The following PRELID3A variants were observed in gnomAD, a reference collection of about 807,000 sequenced individuals.
PRELID3A encodes the protein PRELI domain containing 3A.
In PRELID3A, 27 loss-of-function variants were observed where a neutral mutation model predicts 23.0. The ratio of observed to expected loss-of-function variants is 1.17; its 90% CI spans 0.87 to 1.62. The LOEUF is 1.62. PRELID3A is among the 40% of genes most tolerant of loss of function. The probability of loss-of-function intolerance (pLI) is 0.00; values close to 1 mark genes in which losing one functional copy is unlikely to be tolerated. For synonymous variants in PRELID3A, 87 were observed against 86.4 expected (o/e 1.01, Z -0.04); for missense variants, 231 against 231.4 (o/e 1.00, Z 0.01).
At chr18:12,425,727 C>T (rs569108037) in intron 3 of PRELID3A, among the ~76,000 whole-genome samples, 2 of 151,984 alleles carry the variant, frequency 1.3e-5, no homozygotes, top group Non-Finnish European at 2.9e-5. Context: ...ATCGCTTGAG[C>T]TCAGGAGTTT....
intron 1 of PRELID3A, among the ~76,000 whole-genome samples, chr18:12,408,243 G>A (rs1264910764): frequency 6.6e-6 from 1 of 151,850 alleles, no homozygotes; most frequent in Non-Finnish European, 1.5e-5. Flanking sequence ...CCCGGCGTGC[G>A]CAGGGGCCTG....
rs149706928 is a variant in PRELID3A, at chr18:12,421,602, A to G, written c.264A>G (p.Glu88=). ...AACATTCTGTGGTGGATCCAGTGGA[A>G]AAGAAAATGGAACTTTGTTCTACCA... The part of the protein sequence containing the change: ...IREHSVVDPV[E]KKMELCSTNI... The change falls in exon 3 of 7, where the codon GAA becomes GAG. Residue 88 remains glutamate, a synonymous_variant. Coordinates refer to ENST00000440960, the MANE Select transcript of PRELID3A (RefSeq NM_001142405.2). 587 of 1,613,450 alleles carry G rather than the reference A, an allele frequency of 3.6e-4. 1 individual carries two copies. Among genetic ancestry groups the G allele is most frequent in the Middle Eastern group, 8.2e-4 (5 of 6,082 alleles).
chr18:12,427,072 A>G lies in PRELID3A; in HGVS notation c.323A>G (p.Glu108Gly). 5.0e-6 allele frequency: 8 copies of G among 1,613,572 alleles called. No homozygotes were observed. The highest frequency in any genetic ancestry group is 6.8e-6 in the Non-Finnish European group (8 of 1,179,476). ...ITLTNLVSVNERLVYTPHPEN... is the reference protein window; with the variant it reads ...ITLTNLVSVNGRLVYTPHPEN... ...CTCACAAATTTGGTGTCAGTTAATG[A>G]GAGGTTGGTGTACACACCTCATCCA... is the stretch of plus-strand genomic sequence containing the variant. Residue 108 changes from glutamate to glycine, a missense_variant, in exon 4 of 7, where the codon GAG becomes GGG. Physicochemically the swap from Glu to Gly is moderately conservative, Grantham distance 98. Transcript: ENST00000440960.
chr18:12,411,938 T>A (rs1909928484), intron 1 of PRELID3A, among the ~76,000 whole-genome samples: 1 of 143,930 alleles, frequency 6.9e-6, no homozygotes. Context: ...TGAGACGGAG[T>A]CTCGCTCTGT....
chr18:12,430,724 C>G (rs1218409166), intron 6 of PRELID3A, among the ~76,000 whole-genome samples: 1 of 138,508 alleles, frequency 7.2e-6, no homozygotes, highest in Non-Finnish European at 1.5e-5. Context: ...AGTGTGTGCT[C>G]TGTGTAATGT....
intron 1 of PRELID3A, among the ~76,000 whole-genome samples, chr18:12,414,022 G>C (rs1385374089): frequency 1.3e-5 from 2 of 152,162 alleles, no homozygotes; most frequent in Non-Finnish European, 2.9e-5. Context: ...AAGTTTATCT[G>C]TTTATTGTTC....
rs574841424 is a variant in PRELID3A, at chr18:12,432,177, C to G, written c.*1061C>G. ...CAGAAGTTTTCTGTGCTTATGAAAG[C>G]GTATGTGTGGCCTTTCTCTTCCCTT... On this transcript the variant is annotated 3_prime_UTR_variant, in exon 7 of 7. Coordinates refer to ENST00000440960, the MANE Select transcript of PRELID3A (RefSeq NM_001142405.2). 1 of 152,236 alleles carries G rather than the reference C, an allele frequency of 6.6e-6. No homozygotes were observed. The highest frequency in any genetic ancestry group is 1.5e-5 in the Non-Finnish European group (1 of 68,048). 9.4% of individuals were successfully genotyped at this position (152,236 alleles called of 1,614,324 possible).
chr18:12,431,932 C>T lies in PRELID3A; in HGVS notation c.*816C>T, dbSNP rs778114920. ...CTCATAGTATCCAAGGTTTGAGTTC[C>T]TGTTTTTCGCCTTATAGTTTTGTGA... On this transcript the variant is annotated 3_prime_UTR_variant, in exon 7 of 7. Coordinates refer to ENST00000440960, the MANE Select transcript of PRELID3A (RefSeq NM_001142405.2). 2.6e-5 allele frequency: 4 copies of T among 152,224 alleles called. No individual in the cohort carries two copies. The highest frequency in any genetic ancestry group is 9.6e-5 in the African/African-American group (4 of 41,468). 9.4% of individuals were successfully genotyped at this position (152,224 alleles called of 1,614,324 possible).
chr18:12,412,204 T>C (rs924460161), intron 1 of PRELID3A, among the ~76,000 whole-genome samples: 5 of 145,096 alleles, frequency 3.4e-5, no homozygotes, highest in African/African-American at 5.3e-5. Flanking sequence ...TTTTTTTTTT[T>C]CCAGGTGGAG....
intron 1 of PRELID3A, among the ~76,000 whole-genome samples, chr18:12,410,453 C>T (rs903342168): frequency 1.4e-4 from 22 of 152,100 alleles, no homozygotes; most frequent in Non-Finnish European, 3.1e-4. Flanking sequence ...TGTGGCTGGA[C>T]GGGTTATGAA....
chr18:12,421,240 T>C (rs1363501437), intron 2 of PRELID3A: 1 of 366,156 alleles, frequency 2.7e-6, no homozygotes, highest in African/African-American at 2.1e-5. Flanking sequence ...TCTTTGGGGC[T>C]CTGCCCAGAC....
At chr18:12,420,086 C>G (rs936456516) in intron 1 of PRELID3A, 8 of 1,387,362 alleles carry the variant, frequency 5.8e-6, no homozygotes, top group Non-Finnish European at 7.5e-6. Flanking sequence ...TGCTGGGCGA[C>G]AGAGTGAGAC....
At chr18:12,420,539 A>C (rs1598860270) in intron 2 of PRELID3A, 46 bp downstream of exon 2, 3 of 1,438,658 alleles carry the variant, frequency 2.1e-6, no homozygotes, top group Non-Finnish European at 2.7e-6. Flanking sequence ...CGACTCCCCC[A>C]CTCCCGCCCC....
At chr18:12,430,150 G>A (rs1239320427) in intron 6 of PRELID3A, among the ~76,000 whole-genome samples, 2 of 152,220 alleles carry the variant, frequency 1.3e-5, no homozygotes, top group African/African-American at 4.8e-5. Context: ...AGTCACTGAA[G>A]CCACACTTTG....
intron 1 of PRELID3A, among the ~76,000 whole-genome samples, chr18:12,408,238 C>T (rs1038239997): frequency 6.6e-5 from 10 of 151,800 alleles, no homozygotes; most frequent in Non-Finnish European, 1.2e-4. Flanking sequence ...TCTCCCCCGG[C>T]GTGCGCAGGG....
chr18:12,426,447 G>T lies in PRELID3A; in HGVS notation c.292-594G>T, dbSNP rs554219632. Among the ~76,000 whole-genome samples the T allele has an allele frequency of 2.7e-5, 4 of 149,028 alleles. No individual in the cohort carries two copies. The East Asian group carries it at 8.0e-4, about 30-fold the overall frequency. Reference sequence around the variant, plus strand: ...CAGGTGCCTGTAGTCCCAGCTACTCGGGAGGCTGAGGCAGGAGAATGGTGT... The same window carrying T: ...CAGGTGCCTGTAGTCCCAGCTACTCTGGAGGCTGAGGCAGGAGAATGGTGT... On this transcript the variant is annotated intron_variant, in intron 3 of 6. Transcript: ENST00000440960.
intron 1 of PRELID3A, among the ~76,000 whole-genome samples, chr18:12,411,960 G>C (rs1352654643): frequency 2.7e-5 from 4 of 148,946 alleles, no homozygotes; most frequent in Non-Finnish European, 5.9e-5. Flanking sequence ...GCCCAGGCTG[G>C]AGTGCAGGGG....
rs1008831225 is a variant in PRELID3A at position 12,415,075 on chromosome 18, C to T, written c.33-5250C>T. On this transcript the variant is annotated intron_variant, in intron 1 of 6. Transcript: ENST00000440960. ...TCTGCAGTAGCTGGGACTATGGTTGCGAGCTACCACACCTGGCTAATTTTC... is the reference window on the plus strand; with the variant it reads ...TCTGCAGTAGCTGGGACTATGGTTGTGAGCTACCACACCTGGCTAATTTTC... Among the ~76,000 whole-genome samples the T allele has an allele frequency of 3.3e-5, 5 of 151,952 alleles. No individual in the cohort carries two copies. The East Asian group carries it at 5.8e-4, about 18-fold the overall frequency.
chr18:12,418,464 A>G (rs2030033575), intron 1 of PRELID3A, among the ~76,000 whole-genome samples: 1 of 152,202 alleles, frequency 6.6e-6, no homozygotes, highest in Non-Finnish European at 1.5e-5. Flanking sequence ...ATTTTTCAAG[A>G]TGTGTGTGCA....
Sources: gnomAD v4.1 joint callset for allele counts (sites outside exome capture counted in the v4.1 genomes callset) on GRCh38, gnomAD v4.1.1 for gene constraint, MANE v1.5 for transcripts, NCBI Gene and HGNC (gene_info 2026-07-23, HGNC 2026-07-21) for gene names.